Variants in DNAJC27 observed in about 807,000 individuals in gnomAD.
DNAJC27 encodes the protein DnaJ heat shock protein family (Hsp40) member C27.
In DNAJC27, 25 loss-of-function variants were observed where a neutral mutation model predicts 31.4. That is an observed-to-expected ratio of 0.80 (90% CI 0.58 to 1.11). The LOEUF is 1.11. Ranked by LOEUF, DNAJC27 falls within the 50% of genes most tolerant of loss-of-function variation. The pLI is 0.00. For missense variants in DNAJC27, 356 were observed against 347.3 expected (o/e 1.02, Z -0.20); for synonymous variants, 106 against 112.7 (o/e 0.94, Z 0.37).
At chr2:24,958,181 G>A (rs2149125768) in intron 3 of DNAJC27, among the ~76,000 whole-genome samples, 1 of 152,252 alleles carries the variant, frequency 6.6e-6, no homozygotes, top group South Asian at 2.1e-4. Flanking sequence ...ACTTACAATG[G>A]AAAACAACAG....
intron 2 of DNAJC27, among the ~76,000 whole-genome samples, chr2:24,966,938 C>T (rs943115791): frequency 6.6e-6 from 1 of 152,228 alleles, no homozygotes; most frequent in Non-Finnish European, 1.5e-5. Context: ...GTTACACCTG[C>T]CATTTAGGCT....
intron 1 of DNAJC27, among the ~76,000 whole-genome samples, chr2:24,970,460 C>CT (rs35742187): frequency 0.02 from 2,412 of 120,082 alleles, 52 homozygotes; most frequent in East Asian, 0.069. Flanking sequence ...AGTAAAATTA[C>CT]TTTTTTTTTT....
intron 3 of DNAJC27, among the ~76,000 whole-genome samples, chr2:24,960,449 G>C (rs767206496): frequency 1.2e-4 from 19 of 152,166 alleles, no homozygotes; most frequent in Non-Finnish European, 2.4e-4. Context: ...GTAAAAGGAA[G>C]AGTCATGTAT....
At chr2:24,961,992 A>G (rs1255619600) in intron 3 of DNAJC27, among the ~76,000 whole-genome samples, 1 of 152,230 alleles carries the variant, frequency 6.6e-6, no homozygotes, top group African/African-American at 2.4e-5. Flanking sequence ...ATAGCATTGC[A>G]TGGTACAGAG....
intron 1 of DNAJC27, 29 bp from the exon 2 acceptor site, chr2:24,967,322 G>C: frequency 7.1e-7 from 1 of 1,398,618 alleles, no homozygotes. Flanking sequence ...CAGGCATTTA[G>C]TAAATACATA....
Position 24,947,439 on chromosome 2 carries a change from G to A in DNAJC27, c.*177C>T. 1 of 678,254 alleles carries A rather than the reference G, an allele frequency of 1.5e-6. No homozygotes were observed. 42.0% of individuals were successfully genotyped at this position (678,254 alleles called of 1,614,324 possible). A position where few individuals can be genotyped will look rare whatever the true frequency, so the allele number is the denominator to read the frequency against. ...CTCAGTTCACTTCATACAAATGCAG[G>A]TCATTTCTCAGTAAAATGTCTATGA... is the stretch of plus-strand genomic sequence containing the variant. On this transcript the variant is annotated 3_prime_UTR_variant, in exon 7 of 7. Coordinates refer to ENST00000264711, the MANE Select transcript of DNAJC27 (RefSeq NM_016544.3).
intron 5 of DNAJC27, among the ~76,000 whole-genome samples, chr2:24,953,146 A>G (rs886467876): frequency 2.6e-5 from 4 of 152,100 alleles, no homozygotes; most frequent in Non-Finnish European, 4.4e-5. Flanking sequence ...ATACTCATTT[A>G]CCACACTACA....
At chr2:24,967,717 C>G (rs1573119140) in intron 1 of DNAJC27, among the ~76,000 whole-genome samples, 1 of 147,184 alleles carries the variant, frequency 6.8e-6, no homozygotes, top group African/African-American at 2.5e-5. Flanking sequence ...AAAAAAAAGA[C>G]AAAACTATAA....
intron 5 of DNAJC27, among the ~76,000 whole-genome samples, chr2:24,952,428 T>C (rs1342680148): frequency 1.3e-5 from 2 of 152,228 alleles, no homozygotes; most frequent in Non-Finnish European, 2.9e-5. Context: ...AGACTTTCTT[T>C]GTTCTTCTAA....
chr2:24,958,069 T>C lies in DNAJC27; in HGVS notation c.241-95A>G, dbSNP rs1665951339. On this transcript the variant is annotated intron_variant, in intron 3 of 6. Coordinates refer to ENST00000264711, the MANE Select transcript of DNAJC27 (RefSeq NM_016544.3). Reference sequence around the variant, plus strand: ...TAACCTGGCAAAGTGTGTTCTTTTGTGTATTCTTAGTGTTTGCTATTGTAT... The same window carrying C: ...TAACCTGGCAAAGTGTGTTCTTTTGCGTATTCTTAGTGTTTGCTATTGTAT... The C allele has an allele frequency of 6.7e-6, 8 of 1,187,090 alleles. No homozygotes were observed. In the South Asian group the frequency reaches 1.2e-4, roughly 18 times the overall value. The allele number at this position is 1,187,090 out of a possible 1,614,324, so 73.5% of individuals were successfully genotyped here.
chr2:24,954,660 G>T (rs1380525995), intron 5 of DNAJC27, among the ~76,000 whole-genome samples: 1 of 152,218 alleles, frequency 6.6e-6, no homozygotes, highest in Non-Finnish European at 1.5e-5. Flanking sequence ...TAGTCAGGCT[G>T]GGTGCGGTGG....
intron 3 of DNAJC27, among the ~76,000 whole-genome samples, chr2:24,959,566 T>G (rs1386643504): frequency 6.6e-6 from 1 of 152,102 alleles, no homozygotes; most frequent in Non-Finnish European, 1.5e-5. Flanking sequence ...GTTAAAAGTT[T>G]CTGATCAGTC....
At position 24,947,005 on chromosome 2, in the gene DNAJC27, G is replaced by C. The variant is rs1256862846; in HGVS notation, c.*611C>G. On this transcript the variant is annotated 3_prime_UTR_variant, in exon 7 of 7. Transcript: ENST00000264711. ...GACTGGCTTGTCTCTCCCACTGGTGGCTGCAGAAGAGGAACAGAGTGAATA... is the reference window on the plus strand; with the variant it reads ...GACTGGCTTGTCTCTCCCACTGGTGCCTGCAGAAGAGGAACAGAGTGAATA... The C allele has an allele frequency of 3.3e-5, 5 of 152,242 alleles. No homozygotes were observed. The highest frequency in any genetic ancestry group is 3.3e-4 in the Admixed American group (5 of 15,288). The allele number at this position is 152,242 out of a possible 1,614,324, so 9.4% of individuals were successfully genotyped here.
In DNAJC27 at chr2:24,947,624, T is replaced by A. The variant is rs1373028778; in HGVS notation, c.814A>T (p.Ile272Phe). The A allele has an allele frequency of 6.2e-7, 1 of 1,604,200 alleles. No individual in the cohort carries two copies. Among genetic ancestry groups the A allele is most frequent in the South Asian group, 1.1e-5 (1 of 90,372 alleles). ...GCTTTTTTCTGTACTTTCTACTTGA[T>A]GTTTTTCAGGAGGGCTGTCCGAGCA... ...VNARTALLKN[I>F]K The change falls in exon 7 of 7, where the codon ATC becomes TTC. Residue 272 changes from isoleucine (I) to phenylalanine (F), a missense_variant. Ile to Phe is a conservative substitution (Grantham distance 21). Transcript: ENST00000264711.
At position 24,961,707 on chromosome 2, in the gene DNAJC27, A is replaced by G. The variant is rs1221402721; in HGVS notation, c.240+1698T>C. ...TAACTGCAGATGTGGTGGAAATAGGAAGAGAACTAGAATTAGAAGTAGGGC... is the reference window on the plus strand; with the variant it reads ...TAACTGCAGATGTGGTGGAAATAGGGAGAGAACTAGAATTAGAAGTAGGGC... On this transcript the variant is annotated intron_variant, in intron 3 of 6. Coordinates refer to ENST00000264711, the MANE Select transcript of DNAJC27 (RefSeq NM_016544.3). 3.3e-5 allele frequency among the ~76,000 whole-genome samples: 5 copies of G among 152,124 alleles called. No homozygotes were observed. In the South Asian group the frequency reaches 1.0e-3, roughly 32 times the overall value.
chr2:24,962,933 TTGG>T (rs1413345513), intron 3 of DNAJC27, among the ~76,000 whole-genome samples: 3 of 152,146 alleles, frequency 2.0e-5, no homozygotes, highest in Admixed American at 2.0e-4. Context: ...TGAGATTCAT[TTGG>T]TGATTACTTA....
In DNAJC27 at chr2:24,945,550, CAT is replaced by C. The variant is rs1262145962; in HGVS notation, c.*2064_*2065del. The C allele has an allele frequency of 1.3e-5, 2 of 152,196 alleles. No homozygotes were observed. Among genetic ancestry groups the C allele is most frequent in the African/African-American group, 4.8e-5 (2 of 41,440 alleles). The allele number at this position is 152,196 out of a possible 1,614,324, so 9.4% of individuals were successfully genotyped here. On this transcript the variant is annotated 3_prime_UTR_variant, in exon 7 of 7. Coordinates refer to ENST00000264711, the MANE Select transcript of DNAJC27 (RefSeq NM_016544.3). ...ACGCTACCGTGCACGATCCCTCATT[CAT>C]ATGACTTCTACATTCTGCTGTGAGG...
rs35322866 is a variant in DNAJC27 at position 24,957,605 on chromosome 2, GA to G, written c.405+204del. ...ACATCCTTCCCCATGTATGGCACCAGAAAAAAAAAAATGTATACAAATTTTG... is the reference window on the plus strand; with the variant it reads ...ACATCCTTCCCCATGTATGGCACCAGAAAAAAAAAATGTATACAAATTTTG... On this transcript the variant is annotated intron_variant, in intron 4 of 6. Transcript: ENST00000264711. 7.1e-4 allele frequency among the ~76,000 whole-genome samples: 105 copies of G among 147,048 alleles called. No individual in the cohort carries two copies. In the South Asian group the frequency reaches 0.014, roughly 20 times the overall value.
At chr2:24,947,885 G>A in intron 6 of DNAJC27, 137 bp from the exon 7 acceptor site, 2 of 1,029,688 alleles carry the variant, frequency 1.9e-6, no homozygotes, top group Non-Finnish European at 2.7e-6. Context: ...CAGGATTAAA[G>A]GACTAGAAAA....
Sources: allele counts gnomAD v4.1 joint callset (sites outside exome capture counted in the v4.1 genomes callset), GRCh38; gene constraint gnomAD v4.1.1; transcripts MANE v1.5; gene names NCBI Gene and HGNC (gene_info 2026-07-23, HGNC 2026-07-21).